EPHA6: variants seen among roughly 807,000 people sequenced by gnomAD.
EPHA6 encodes the protein EPH receptor A6.
A neutral mutation model predicts 112.0 loss-of-function variants in EPHA6; 50 were observed. The ratio of observed to expected loss-of-function variants is 0.45; its 90% CI spans 0.36 to 0.56. EPHA6 has a LOEUF of 0.56. Ranked by LOEUF, EPHA6 falls within the 20% of genes least tolerant of loss-of-function variation. The probability of loss-of-function intolerance (pLI) is 0.00; values close to 1 mark genes in which losing one functional copy is unlikely to be tolerated. For missense variants in EPHA6, 1,280 were observed against 1,417.4 expected (o/e 0.90, Z 1.56); for synonymous variants, 529 against 490.7 (o/e 1.08, Z -1.03).
At chr3:97,379,489 G>T (rs988060140) in intron 5 of EPHA6, among the ~76,000 whole-genome samples, 1 of 151,214 alleles carries the variant, frequency 6.6e-6, no homozygotes, top group African/African-American at 2.4e-5. Flanking sequence ...GGTGGCTCAC[G>T]ACTGTAATCC....
intron 5 of EPHA6, among the ~76,000 whole-genome samples, chr3:97,274,429 C>T (rs2079998141): frequency 6.6e-6 from 1 of 152,132 alleles, no homozygotes; most frequent in Non-Finnish European, 1.5e-5. Flanking sequence ...CGGCCTTGAG[C>T]AGAGTTTTTA....
intron 3 of EPHA6, among the ~76,000 whole-genome samples, chr3:96,988,772 G>A (rs1267479243): frequency 6.6e-6 from 1 of 151,956 alleles, no homozygotes; most frequent in African/African-American, 2.4e-5. Flanking sequence ...TAATTGTCAG[G>A]AAATGTTAAC....
At chr3:97,621,827 A>T (rs2093816378) in intron 13 of EPHA6, among the ~76,000 whole-genome samples, 1 of 151,870 alleles carries the variant, frequency 6.6e-6, no homozygotes, top group South Asian at 2.1e-4. Context: ...AATAAGAGGG[A>T]CTCAGTGTTC....
At chr3:96,828,975 T>C (rs2033841147) in intron 1 of EPHA6, among the ~76,000 whole-genome samples, 1 of 152,146 alleles carries the variant, frequency 6.6e-6, no homozygotes, top group Admixed American at 6.6e-5. Flanking sequence ...TATACAAAGT[T>C]GGGGTGCCTA....
At chr3:97,254,822 C>A (rs1197687159) in intron 5 of EPHA6, among the ~76,000 whole-genome samples, 1 of 152,270 alleles carries the variant, frequency 6.6e-6, no homozygotes, top group Non-Finnish European at 1.5e-5. Flanking sequence ...AACCTTCCTG[C>A]AACCAGCAGA....
intron 5 of EPHA6, among the ~76,000 whole-genome samples, chr3:97,376,908 G>A (rs2085396394): frequency 6.6e-6 from 1 of 152,110 alleles, no homozygotes. Context: ...ATATTTAGTA[G>A]AACTATATCT....
At chr3:97,711,159 A>T (rs983876575) in intron 14 of EPHA6, among the ~76,000 whole-genome samples, 2 of 151,994 alleles carry the variant, frequency 1.3e-5, no homozygotes, top group African/African-American at 2.4e-5. Flanking sequence ...ACAAGATCTG[A>T]TGGTTTTAAA....
intron 3 of EPHA6, among the ~76,000 whole-genome samples, chr3:97,088,942 A>G (rs1024514237): frequency 6.6e-6 from 1 of 152,148 alleles, no homozygotes; most frequent in African/African-American, 2.4e-5. Flanking sequence ...GGAAAAGAGC[A>G]TCTTTCTAAG....
intron 2 of EPHA6, among the ~76,000 whole-genome samples, chr3:96,917,160 C>G (rs1346013426): frequency 6.6e-6 from 1 of 151,980 alleles, no homozygotes; most frequent in Non-Finnish European, 1.5e-5. Context: ...GTGGCTCGCA[C>G]CTGTAATCCC....
intron 5 of EPHA6, among the ~76,000 whole-genome samples, chr3:97,344,614 T>A (rs1226653419): frequency 4.6e-5 from 7 of 152,188 alleles, no homozygotes; most frequent in Admixed American, 3.9e-4. Context: ...CTGTAAGAAA[T>A]AAACTGCCAA....
chr3:97,125,103 T>C (rs560940100), intron 3 of EPHA6, among the ~76,000 whole-genome samples: 2 of 152,304 alleles, frequency 1.3e-5, no homozygotes, highest in African/African-American at 4.8e-5. Context: ...TACAAACATA[T>C]GTGCCTTTGG....
At chr3:97,321,663 A>G (rs1576952825) in intron 5 of EPHA6, among the ~76,000 whole-genome samples, 1 of 151,882 alleles carries the variant, frequency 6.6e-6, no homozygotes, top group Non-Finnish European at 1.5e-5. Context: ...GCTTTTTTAA[A>G]GTGACATTTA....
chr3:96,820,313 A>AC (rs562513305), intron 1 of EPHA6, among the ~76,000 whole-genome samples: 68 of 152,194 alleles, frequency 4.5e-4, no homozygotes, highest in Admixed American at 8.5e-4. Flanking sequence ...AGTAAAATAA[A>AC]CCAATTTACA....
chr3:97,188,366 T>A (rs1190549741), intron 3 of EPHA6, among the ~76,000 whole-genome samples: 1 of 151,980 alleles, frequency 6.6e-6, no homozygotes, highest in Non-Finnish European at 1.5e-5. Flanking sequence ...AAGTAGACAT[T>A]AAATTTTAAA....
intron 10 of EPHA6, among the ~76,000 whole-genome samples, chr3:97,495,914 T>A (rs2107537719): frequency 6.6e-6 from 1 of 152,294 alleles, no homozygotes; most frequent in South Asian, 2.1e-4. Context: ...ATGGCCGTAC[T>A]TTTTCCCTGG....
chr3:96,884,601 A>T (rs952200269), intron 2 of EPHA6, among the ~76,000 whole-genome samples: 3 of 152,114 alleles, frequency 2.0e-5, no homozygotes, highest in Non-Finnish European at 2.9e-5. Flanking sequence ...TGATTCTTTT[A>T]TCAGTTCTAG....
chr3:97,064,018 C>A (rs1213124553), intron 3 of EPHA6, among the ~76,000 whole-genome samples: 1 of 152,110 alleles, frequency 6.6e-6, no homozygotes, highest in Non-Finnish European at 1.5e-5. Flanking sequence ...ACAGAAGAGA[C>A]AAGGGCTCAG....
intron 11 of EPHA6, among the ~76,000 whole-genome samples, chr3:97,586,939 G>C (rs1468644412): frequency 6.6e-6 from 1 of 152,116 alleles, no homozygotes; most frequent in African/African-American, 2.4e-5. Flanking sequence ...ACTCAATACT[G>C]GATACTCAAG....
chr3:97,615,827 C>G (rs1697367514), intron 13 of EPHA6, among the ~76,000 whole-genome samples: 1 of 152,170 alleles, frequency 6.6e-6, no homozygotes. Context: ...TTTGAATTCT[C>G]CCTGGTATGG....
Sources: gnomAD v4.1 joint callset for allele counts (sites outside exome capture counted in the v4.1 genomes callset) on GRCh38, gnomAD v4.1.1 for gene constraint, MANE v1.5 for transcripts, NCBI Gene and HGNC (gene_info 2026-07-23, HGNC 2026-07-21) for gene names.